Variants in PRLR observed in about 807,000 individuals in gnomAD.
PRLR encodes prolactin receptor.
PRLR carries 13 observed loss-of-function variants against 40.2 expected under a neutral mutation model. The observed-to-expected ratio is 0.32, with a 90% CI of 0.21 to 0.51. The LOEUF is 0.51. PRLR is among the 20% of genes least tolerant of loss of function. PRLR has a pLI of 0.97. For missense variants in PRLR, 656 were observed against 747.3 expected, an observed-to-expected ratio of 0.88 and a Z score of 1.42; for synonymous variants, 269 against 278.7, an observed-to-expected ratio of 0.97 and a Z score of 0.35.
intron 1 of PRLR, among the ~76,000 whole-genome samples, chr5:35,210,356 A>G (rs1265561508): frequency 6.6e-6 from 1 of 152,230 alleles, no homozygotes; most frequent in African/African-American, 2.4e-5. Context: ...AGGGTTTCAG[A>G]GATCTTTGTT....
chr5:35,054,913 A>G (rs895512308), downstream of PRLR, among the ~76,000 whole-genome samples: 1 of 152,184 alleles, frequency 6.6e-6, no homozygotes, highest in Admixed American at 6.5e-5. Flanking sequence ...TTACTGCTGA[A>G]GAGAGAGGTA....
Position 35,059,963 on chromosome 5 carries a change from G to A in PRLR, c.*5126C>T, listed in dbSNP as rs529795817. The A allele has an allele frequency of 4.6e-5, 7 of 152,314 alleles. No homozygotes were observed. In the East Asian group the frequency reaches 9.7e-4, roughly 21 times the overall value. The allele number at this position is 152,314 out of a possible 1,614,324, so 9.4% of individuals were successfully genotyped here. ...ATCCTCTGGCTTCACCTTCCCAAGT[G>A]TCTAGGACTACAGGTACGTGTCACC... is the stretch of plus-strand genomic sequence containing the variant. On this transcript the variant is annotated 3_prime_UTR_variant, in exon 10 of 10. Transcript: ENST00000618457.
chr5:35,082,977 G>A (rs6878981), intron 5 of PRLR, among the ~76,000 whole-genome samples: 11,017 of 151,484 alleles, frequency 0.073, 732 homozygotes, highest in African/African-American at 0.17. Context: ...TTTTTTGTGG[G>A]TCGCATTTAT....
Position 35,070,342 on chromosome 5 carries a change from A to G in PRLR, c.544-77T>C. On this transcript the variant is annotated intron_variant, in intron 6 of 9. Coordinates refer to ENST00000618457, the MANE Select transcript of PRLR (RefSeq NM_000949.7). Reference sequence around the variant, plus strand: ...AAGAGAGTTTTCCCCTAAAAAATAAACTAAGTTAGGCTGAACAATCATATA... The same window carrying G: ...AAGAGAGTTTTCCCCTAAAAAATAAGCTAAGTTAGGCTGAACAATCATATA... 2.0e-6 allele frequency: 3 copies of G among 1,502,814 alleles called. No individual in the cohort carries two copies. The South Asian group carries it at 3.4e-5, about 17-fold the overall frequency. The allele number at this position is 1,502,814 out of a possible 1,614,324, so 93.1% of individuals were successfully genotyped here. A position where few individuals can be genotyped will look rare whatever the true frequency, so the allele number is the denominator to read the frequency against.
Position 35,061,089 on chromosome 5 carries a change from C to G in PRLR, c.*4000G>C, listed in dbSNP as rs1769010908. ...TGTTGTGCCCTTTCTGGCTTCTTCT[C>G]ATCTCTCCATTCATACATATCTATA... is the stretch of plus-strand genomic sequence containing the variant. On this transcript the variant is annotated 3_prime_UTR_variant, in exon 10 of 10. Coordinates refer to ENST00000618457, the MANE Select transcript of PRLR (RefSeq NM_000949.7). 1 of 152,102 alleles carries G rather than the reference C, an allele frequency of 6.6e-6. No homozygotes were observed. Among genetic ancestry groups the G allele is most frequent in the African/African-American group, 2.4e-5 (1 of 41,404 alleles). 9.4% of individuals were successfully genotyped at this position (152,102 alleles called of 1,614,324 possible).
chr5:35,107,139 G>T (rs930134103), intron 2 of PRLR, among the ~76,000 whole-genome samples: 1 of 152,112 alleles, frequency 6.6e-6, no homozygotes, highest in East Asian at 1.9e-4. Context: ...GGGTAAATAA[G>T]TAAATGAAGG....
chr5:35,136,355 A>T (rs760048230), intron 1 of PRLR, among the ~76,000 whole-genome samples: 1 of 152,206 alleles, frequency 6.6e-6, no homozygotes, highest in Non-Finnish European at 1.5e-5. Flanking sequence ...CAGCCTCAGC[A>T]CTGTGGACAT....
chr5:35,187,722 C>T (rs1329947533), intron 1 of PRLR, among the ~76,000 whole-genome samples: 1 of 152,212 alleles, frequency 6.6e-6, no homozygotes, highest in African/African-American at 2.4e-5. Flanking sequence ...AACCACTTGT[C>T]TGAAGCCGCA....
At chr5:35,160,291 C>T (rs1160983209) in intron 1 of PRLR, among the ~76,000 whole-genome samples, 1 of 152,178 alleles carries the variant, frequency 6.6e-6, no homozygotes, top group Non-Finnish European at 1.5e-5. Context: ...CTATTCCTTT[C>T]TATGGCTGCC....
intron 1 of PRLR, among the ~76,000 whole-genome samples, chr5:35,186,957 G>T (rs1263825002): frequency 6.6e-6 from 1 of 152,134 alleles, no homozygotes; most frequent in Non-Finnish European, 1.5e-5. Context: ...GTGGCATGTG[G>T]CTAGGATTAT....
chr5:35,127,596 C>T (rs1773512117), intron 1 of PRLR, among the ~76,000 whole-genome samples: 2 of 152,152 alleles, frequency 1.3e-5, no homozygotes, highest in Non-Finnish European at 2.9e-5. Context: ...AGTTAAAATA[C>T]TAGTGTGTTG....
Position 35,065,705 on chromosome 5 carries a change from A to G in PRLR, c.1253T>C (p.Leu418Ser). The change falls in exon 10 of 10, where the codon TTA (leucine) becomes TCA (serine). Residue 418 changes from leucine (L) to serine (S), a missense_variant. Transcript: ENST00000618457. ...AGGSKCSTWP[L>S]PQPSQHNPRS... ...GGGGTTGTGCTGGCTGGGCTGTGGTAAGGGCCATGTTGAACATTTGGATCC... is the reference window on the plus strand; with the variant it reads ...GGGGTTGTGCTGGCTGGGCTGTGGTGAGGGCCATGTTGAACATTTGGATCC... 1 of 1,614,154 alleles carries G rather than the reference A, an allele frequency of 6.2e-7. No homozygotes were observed. Among genetic ancestry groups the G allele is most frequent in the Non-Finnish European group, 8.5e-7 (1 of 1,180,020 alleles).
At chr5:35,227,513 G>GT (rs1222966998) in intron 1 of PRLR, among the ~76,000 whole-genome samples, 1 of 152,236 alleles carries the variant, frequency 6.6e-6, no homozygotes, top group Non-Finnish European at 1.5e-5. Context: ...GAGGCAATGT[G>GT]TGAAAGTGCT....
chr5:35,106,822 C>A (rs181524115), intron 2 of PRLR, among the ~76,000 whole-genome samples: 1 of 152,168 alleles, frequency 6.6e-6, no homozygotes, highest in Non-Finnish European at 1.5e-5. Flanking sequence ...ATCGATGACA[C>A]AGAAAGTTAA....
At chr5:35,077,365 T>C (rs927143583) in intron 5 of PRLR, among the ~76,000 whole-genome samples, 8 of 151,582 alleles carry the variant, frequency 5.3e-5, no homozygotes, top group African/African-American at 1.9e-4. Flanking sequence ...ACCAAGCAAA[T>C]GGAAAACAAA....
intron 1 of PRLR, among the ~76,000 whole-genome samples, chr5:35,168,932 A>G (rs1774921473): frequency 6.6e-6 from 1 of 152,152 alleles, no homozygotes. Context: ...TTAGGTTATA[A>G]GTGAATCTGG....
intron 2 of PRLR, among the ~76,000 whole-genome samples, chr5:35,112,538 A>G (rs1772726217): frequency 6.6e-6 from 1 of 152,076 alleles, no homozygotes; most frequent in African/African-American, 2.4e-5. Context: ...GTGGAAATTC[A>G]AAGGCAGGTG....
At chr5:35,171,049 G>GT (rs199742431) in intron 1 of PRLR, among the ~76,000 whole-genome samples, 5,739 of 136,206 alleles carry the variant, frequency 0.042, 326 homozygotes, top group African/African-American at 0.13. Context: ...GTTTTTCCCT[G>GT]TTTTTTTTTT....
intron 1 of PRLR, among the ~76,000 whole-genome samples, chr5:35,146,822 C>A (rs1489727374): frequency 3.9e-5 from 6 of 152,034 alleles, no homozygotes; most frequent in Middle Eastern, 3.2e-3. Flanking sequence ...TCTTATTTAG[C>A]CCTCTAAACC....
Sources: gnomAD v4.1 joint callset for allele counts (sites outside exome capture counted in the v4.1 genomes callset) on GRCh38, gnomAD v4.1.1 for gene constraint, MANE v1.5 for transcripts, NCBI Gene and HGNC (gene_info 2026-07-23, HGNC 2026-07-21) for gene names.